IRAK2: variants seen among roughly 807,000 people sequenced by gnomAD.
IRAK2 encodes the protein interleukin 1 receptor associated kinase 2.
IRAK2 carries 57 observed loss-of-function variants against 72.0 expected under a neutral mutation model. That is an observed-to-expected ratio of 0.79 (90% CI 0.64 to 0.99). The LOEUF (loss-of-function observed/expected upper bound fraction) is 0.99, where lower values mean the gene tolerates loss of function less well. Ranked by LOEUF, IRAK2 falls within the 50% of genes least tolerant of loss-of-function variation. The probability of loss-of-function intolerance (pLI) is 0.00; values close to 1 mark genes in which losing one functional copy is unlikely to be tolerated. For synonymous variants in IRAK2, 293 were observed against 312.7 expected, an observed-to-expected ratio of 0.94 and a Z score of 0.67; for missense variants, 790 against 794.4, an observed-to-expected ratio of 0.99 and a Z score of 0.07.
chr3:10,183,345 G>A (rs1696992609), intron 2 of IRAK2, among the ~76,000 whole-genome samples: 2 of 152,168 alleles, frequency 1.3e-5, no homozygotes, highest in South Asian at 4.1e-4. Flanking sequence ...TGGCTCTGTG[G>A]GTCTCTGTTC....
intron 2 of IRAK2, among the ~76,000 whole-genome samples, chr3:10,183,119 A>C (rs985259029): frequency 7.2e-5 from 11 of 152,150 alleles, no homozygotes; most frequent in Non-Finnish European, 1.6e-4. Flanking sequence ...TTTGAAGAAA[A>C]CAGTACTTGA....
chr3:10,240,558 C>CCCCCTTT (rs1274154130), intron 12 of IRAK2, among the ~76,000 whole-genome samples: 5 of 18,066 alleles, frequency 2.8e-4, no homozygotes, highest in African/African-American at 1.7e-3. Flanking sequence ...CCCCCCCCGC[C>CCCCCTTT]TTTTTTTTTT....
chr3:10,177,781 C>G, intron 1 of IRAK2, 57 bp from the exon 2 acceptor site: 1 of 1,554,484 alleles, frequency 6.4e-7, no homozygotes, highest in South Asian at 1.1e-5. Context: ...GTGTGGGGAC[C>G]TGTCCTAGAG....
chr3:10,207,850 G>A (rs537700612), intron 3 of IRAK2, among the ~76,000 whole-genome samples: 3 of 152,096 alleles, frequency 2.0e-5, no homozygotes, highest in South Asian at 2.1e-4. Flanking sequence ...AAAATTAGCC[G>A]GCATCATGGC....
chr3:10,178,599 G>C (rs1214760692), intron 2 of IRAK2, among the ~76,000 whole-genome samples: 1 of 152,052 alleles, frequency 6.6e-6, no homozygotes, highest in African/African-American at 2.4e-5. Context: ...TGGGCTATCT[G>C]TTCCAAAAAT....
chr3:10,214,177 C>A (rs1697567250), intron 6 of IRAK2, among the ~76,000 whole-genome samples: 1 of 152,092 alleles, frequency 6.6e-6, no homozygotes. Context: ...GATCTTTCTG[C>A]TTTGGCTTCC....
intron 10 of IRAK2, among the ~76,000 whole-genome samples, chr3:10,232,144 GA>G (rs35488270): frequency 0.57 from 86,631 of 151,840 alleles, 24,979 homozygotes; most frequent in East Asian, 0.77. Context: ...ACAACAAAAA[GA>G]CTCTTATTCT....
intron 3 of IRAK2, 137 bp downstream of exon 3, chr3:10,200,652 T>G (rs945344403): frequency 3.0e-6 from 2 of 673,084 alleles, no homozygotes; most frequent in Non-Finnish European, 4.6e-6. Flanking sequence ...TAATCCCAGC[T>G]CCGTGAGGCT....
At chr3:10,229,644 C>T (rs867365782) in intron 10 of IRAK2, among the ~76,000 whole-genome samples, 3 of 152,166 alleles carry the variant, frequency 2.0e-5, no homozygotes, top group African/African-American at 2.4e-5. Flanking sequence ...TAGATTCATC[C>T]ATGTTGTTGA....
Position 10,213,509 on chromosome 3 carries a change from T to C in IRAK2, c.749T>C (p.Ile250Thr). The change falls in exon 6 of 13, where the codon ATC becomes ACC. Residue 250 changes from isoleucine to threonine, a missense_variant. Coordinates refer to ENST00000256458, the MANE Select transcript of IRAK2 (RefSeq NM_001570.4). ...RETACSSPGSIERFFQAELQI... is the reference protein window; with the variant it reads ...RETACSSPGSTERFFQAELQI... ...ACAGCCTGTTCAAGTCCAGGATCAA[T>C]CGAAAGATTCTTCCAGGCAGAGTTG... 6.2e-7 allele frequency: 1 copy of C among 1,614,176 alleles called. No homozygotes were observed. Among genetic ancestry groups the C allele is most frequent in the Non-Finnish European group, 8.5e-7 (1 of 1,180,028 alleles).
intron 2 of IRAK2, among the ~76,000 whole-genome samples, chr3:10,187,238 C>T (rs1254881051): frequency 6.8e-6 from 1 of 147,664 alleles, no homozygotes; most frequent in African/African-American, 2.7e-5. Flanking sequence ...CAATGTCTCC[C>T]GATGCCCCAT....
intron 10 of IRAK2, among the ~76,000 whole-genome samples, chr3:10,229,767 A>C (rs1048264158): frequency 6.6e-6 from 1 of 152,130 alleles, no homozygotes; most frequent in African/African-American, 2.4e-5. Flanking sequence ...AGGTTTTGGC[A>C]ATTCTGAATA....
At chr3:10,173,639 T>G (rs1696829939) in intron 1 of IRAK2, among the ~76,000 whole-genome samples, 1 of 152,078 alleles carries the variant, frequency 6.6e-6, no homozygotes, top group Non-Finnish European at 1.5e-5. Flanking sequence ...CTGGCCAAGA[T>G]AGTGAAACTC....
Position 10,238,906 on chromosome 3 carries a change from T to G in IRAK2, c.1632T>G (p.Ser544Arg). ...NSSLDASSSM[S>R]VAPWAGAATP... ...GCCTTGATGCCTCCTCCTCCATGAG[T>G]GTGGCACCCTGGGCAGGGGCTGCCA... The change falls in exon 12 of 13, where the codon AGT becomes AGG. Residue 544 changes from serine (S) to arginine (R), a missense_variant. Ser to Arg is a moderately radical substitution (Grantham distance 110, BLOSUM62 -1). Transcript: ENST00000256458. 1 of 1,614,052 alleles carries G rather than the reference T, an allele frequency of 6.2e-7. No individual in the cohort carries two copies. Among genetic ancestry groups the G allele is most frequent in the African/African-American group, 1.3e-5 (1 of 75,008 alleles).
intron 1 of IRAK2, among the ~76,000 whole-genome samples, chr3:10,165,328 T>C (rs1229466403): frequency 1.3e-5 from 2 of 152,074 alleles, no homozygotes; most frequent in Non-Finnish European, 2.9e-5. Context: ...TCAGCGCTGC[T>C]GGCTCGGTGA....
intron 2 of IRAK2, among the ~76,000 whole-genome samples, chr3:10,198,925 A>C (rs976689742): frequency 3.9e-5 from 6 of 152,122 alleles, no homozygotes; most frequent in Admixed American, 1.3e-4. Context: ...ACATGAGTCT[A>C]TCCCAAACCA....
intron 2 of IRAK2, among the ~76,000 whole-genome samples, chr3:10,198,937 C>A (rs1283202426): frequency 6.6e-6 from 1 of 152,136 alleles, no homozygotes; most frequent in East Asian, 1.9e-4. Flanking sequence ...CCCAAACCAC[C>A]AGAGAATGAG....
In IRAK2 at chr3:10,182,351, C is replaced by T. The variant is rs529803125; in HGVS notation, c.277+4331C>T. ...AGCCTGGAGTGCGGTGGCACGATCT[C>T]GGCTCACTGCAAGCTCCGCCTCCCA... On this transcript the variant is annotated intron_variant, in intron 2 of 12. Transcript: ENST00000256458. Among the ~76,000 whole-genome samples, 13 of 149,742 alleles carry T rather than the reference C, an allele frequency of 8.7e-5. No homozygotes were observed. The East Asian group carries it at 2.0e-3, about 23-fold the overall frequency.
intron 12 of IRAK2, among the ~76,000 whole-genome samples, chr3:10,239,566 A>T (rs1020041548): frequency 1.3e-5 from 2 of 152,070 alleles, no homozygotes; most frequent in Admixed American, 6.6e-5. Context: ...CTCTACTAAA[A>T]ATACAAAAAA....
Sources: allele counts gnomAD v4.1 joint callset (sites outside exome capture counted in the v4.1 genomes callset), GRCh38; gene constraint gnomAD v4.1.1; transcripts MANE v1.5; gene names NCBI Gene and HGNC (gene_info 2026-07-23, HGNC 2026-07-21).